Variants in NRG1 observed in about 807,000 individuals in gnomAD.
NRG1 encodes the protein neuregulin 1.
A neutral mutation model predicts 63.8 loss-of-function variants in NRG1; 18 were observed. That is an observed-to-expected ratio of 0.28 (90% confidence interval 0.19 to 0.42). The LOEUF is 0.42. NRG1 is among the 10% of genes least tolerant of loss of function. The probability of loss-of-function intolerance (pLI) is 1.00; values close to 1 mark genes in which losing one functional copy is unlikely to be tolerated. For missense variants in NRG1, 762 were observed against 814.7 expected (o/e 0.94, Z 0.79); for synonymous variants, 302 against 301.3 (o/e 1.00, Z -0.02).
chr8:32,387,549 C>A (rs918399785), intron 1 of NRG1, among the ~76,000 whole-genome samples: 2 of 152,098 alleles, frequency 1.3e-5, no homozygotes, highest in African/African-American at 4.8e-5. Context: ...ATGCACATAA[C>A]AAAGTCTGAT....
intron 1 of NRG1, among the ~76,000 whole-genome samples, chr8:32,124,603 T>G (rs189719418): frequency 1.1e-3 from 167 of 151,984 alleles, no homozygotes; most frequent in Non-Finnish European, 2.0e-3. Context: ...AGGACTCCAC[T>G]GACACCCCCT....
intron 1 of NRG1, among the ~76,000 whole-genome samples, chr8:31,676,308 C>T (rs918150757): frequency 3.9e-5 from 6 of 152,116 alleles, no homozygotes; most frequent in African/African-American, 1.4e-4. Flanking sequence ...AATTTTGGGT[C>T]CCCAAAGACC....
Position 32,044,913 on chromosome 8 carries a change from C to CAAAAAAAAA in NRG1, c.37+405492_37+405500dup. Among the ~76,000 whole-genome samples the CAAAAAAAAA allele has an allele frequency of 9.1e-3, 516 of 56,874 alleles. 9 individuals carry two copies. The highest frequency in any genetic ancestry group is 0.014 in the Middle Eastern group (1 of 72). 37.3% of individuals were successfully genotyped at this position (56,874 alleles called of 152,430 possible). The stretch of plus-strand genomic sequence containing the variant: ...CCTTAAGAACTTACATAAAGAAAAG[C>CAAAAAAAAA]AAAAAAAAAAAAAAAAAACACACAC... On this transcript the variant is annotated intron_variant, in intron 1 of 10. Coordinates refer to the NRG1 transcript ENST00000519301.
chr8:32,730,478 TAAAA>T (rs1412214754), intron 6 of NRG1, among the ~76,000 whole-genome samples: 1 of 151,900 alleles, frequency 6.6e-6, no homozygotes, highest in Non-Finnish European at 1.5e-5. Flanking sequence ...AATAAAAAAT[TAAAA>T]AAAGAGTATG....
At chr8:32,295,663 G>C (rs1291851905) in intron 1 of NRG1, among the ~76,000 whole-genome samples, 1 of 152,072 alleles carries the variant, frequency 6.6e-6, no homozygotes, top group Non-Finnish European at 1.5e-5. Context: ...ATTTTAAAGA[G>C]ACTTGGGCTG....
At chr8:32,062,369 A>G (rs1454241552) in intron 1 of NRG1, among the ~76,000 whole-genome samples, 2 of 151,440 alleles carry the variant, frequency 1.3e-5, no homozygotes, top group African/African-American at 4.9e-5. Context: ...TGAAAAGTAT[A>G]TTAAATTTTT....
chr8:32,141,916 G>A (rs1737879268), intron 1 of NRG1, among the ~76,000 whole-genome samples: 1 of 152,036 alleles, frequency 6.6e-6, no homozygotes, highest in South Asian at 2.1e-4. Context: ...CTGTAAAGCT[G>A]TTCAGGAAAG....
At chr8:32,073,505 A>G (rs905675353) in intron 1 of NRG1, among the ~76,000 whole-genome samples, 1 of 152,220 alleles carries the variant, frequency 6.6e-6, no homozygotes, top group Non-Finnish European at 1.5e-5. Flanking sequence ...TCATGGAATT[A>G]TAAGATAAAT....
intron 1 of NRG1, among the ~76,000 whole-genome samples, chr8:32,425,295 T>C (rs1817221060): frequency 6.6e-6 from 1 of 152,242 alleles, no homozygotes; most frequent in Admixed American, 6.5e-5. Context: ...ATGTTTTTAA[T>C]AGCTGTAGTA....
intron 1 of NRG1, among the ~76,000 whole-genome samples, chr8:32,551,565 G>T (rs1350673305): frequency 6.6e-6 from 1 of 152,216 alleles, no homozygotes; most frequent in Non-Finnish European, 1.5e-5. Context: ...TATGGCATGA[G>T]TGACTGATAT....
chr8:32,201,846 G>A (rs545571216), intron 1 of NRG1, among the ~76,000 whole-genome samples: 2 of 152,290 alleles, frequency 1.3e-5, no homozygotes, highest in South Asian at 4.1e-4. Flanking sequence ...CAACCATATG[G>A]CATCAGTTGA....
intron 1 of NRG1, among the ~76,000 whole-genome samples, chr8:32,170,955 C>A (rs893695107): frequency 6.6e-6 from 1 of 152,216 alleles, no homozygotes; most frequent in African/African-American, 2.4e-5. Context: ...GGCTGAGAAT[C>A]ACTTACCTGT....
rs1346772947 is a variant in NRG1 at position 32,105,955 on chromosome 8, A to G, written c.37+466524A>G. ...TTTTGAGCAGTGGAAATTCATCTGG[A>G]AACTTAATGTTATCCCACTATAGAG... On this transcript the variant is annotated intron_variant, in intron 1 of 10. Coordinates refer to the NRG1 transcript ENST00000519301. Among the ~76,000 whole-genome samples, 4 of 152,178 alleles carry G rather than the reference A, an allele frequency of 2.6e-5. No individual in the cohort carries two copies. In the East Asian group the frequency reaches 7.7e-4, roughly 29 times the overall value.
intron 1 of NRG1, among the ~76,000 whole-genome samples, chr8:31,949,504 TCA>T (rs1275869790): frequency 4.6e-5 from 7 of 152,224 alleles, no homozygotes; most frequent in African/African-American, 1.7e-4. Flanking sequence ...ACTGGATTGC[TCA>T]CCACCTTTTC....
At chr8:32,543,035 C>T (rs1832722858) in intron 1 of NRG1, among the ~76,000 whole-genome samples, 2 of 152,054 alleles carry the variant, frequency 1.3e-5, no homozygotes, top group Admixed American at 1.3e-4. Flanking sequence ...CTGAACTAGG[C>T]TTTTTATCTT....
At chr8:32,306,329 A>G (rs1856180360) in intron 1 of NRG1, among the ~76,000 whole-genome samples, 1 of 152,226 alleles carries the variant, frequency 6.6e-6, no homozygotes, top group African/African-American at 2.4e-5. Flanking sequence ...TCTCCTTAAG[A>G]AAAAATTAAC....
intron 1 of NRG1, among the ~76,000 whole-genome samples, chr8:32,135,796 G>A (rs77865361): frequency 6.6e-6 from 1 of 151,808 alleles, no homozygotes; most frequent in Non-Finnish European, 1.5e-5. Flanking sequence ...AGAGCTAAGG[G>A]TCTATATGAA....
rs777024330 is a variant in NRG1 at position 31,925,723 on chromosome 8, G to GAA, written c.37+286292_37+286293insAA. On this transcript the variant is annotated intron_variant, in intron 1 of 10. Transcript: ENST00000519301. ...TCTTATTAATTAATCTTCTTCTTCTGTGTCAATTCTGCTATGAAGCCCGTC... is the reference window on the plus strand; with the variant it reads ...TCTTATTAATTAATCTTCTTCTTCTGAATGTCAATTCTGCTATGAAGCCCGTC... 7.2e-3 allele frequency among the ~76,000 whole-genome samples: 1,046 copies of GAA among 144,678 alleles called. 7 individuals carry two copies. Among genetic ancestry groups the GAA allele is most frequent in the Non-Finnish European group, 0.012 (756 of 65,280 alleles). The allele number at this position is 144,678 out of a possible 152,430, so 94.9% of individuals were successfully genotyped here. A position where few individuals can be genotyped will look rare whatever the true frequency, so the allele number is the denominator to read the frequency against.
At chr8:31,639,444 G>T in intron 1 of NRG1, 1 of 1,534,480 alleles carries the variant, frequency 6.5e-7, no homozygotes, top group Admixed American at 2.0e-5. Flanking sequence ...AAACAGGCTG[G>T]CGAGGCGCAG....
Sources: allele counts gnomAD v4.1 joint callset (sites outside exome capture counted in the v4.1 genomes callset), GRCh38; gene constraint gnomAD v4.1.1; transcripts MANE v1.5; gene names NCBI Gene and HGNC (gene_info 2026-07-23, HGNC 2026-07-21).